Variants in FAAH2 observed in about 807,000 individuals in gnomAD.
FAAH2 encodes the protein fatty acid amide hydrolase 2.
In FAAH2, 60 loss-of-function variants were observed where a neutral mutation model predicts 36.9. The observed-to-expected ratio is 1.63, with a 90% CI of 1.32 to 2.02. The LOEUF is 2.02. Among genes scored for constraint, FAAH2 ranks in the 30% most tolerant of loss-of-function variants. FAAH2 has a pLI of 0.00. For synonymous variants in FAAH2, 214 were observed against 143.8 expected (o/e 1.49, Z -3.49); for missense variants, 689 against 397.5 (o/e 1.73, Z -6.23).
chrX:57,327,935 G>T (rs1383553821), intron 3 of FAAH2, among the ~76,000 whole-genome samples: 4 of 111,126 alleles, frequency 3.6e-5, no homozygotes, highest in Non-Finnish European at 7.6e-5. Flanking sequence ...AGAGTTTCTG[G>T]TTTTTTTGCT....
rs754982040 is a variant in FAAH2 at position 57,329,272 on chromosome X, C to T, written c.413-2326C>T. Among the ~76,000 whole-genome samples, 3 of 111,773 alleles carry T rather than the reference C, an allele frequency of 2.7e-5. No individual in the cohort carries two copies. The South Asian group carries it at 1.1e-3, about 42-fold the overall frequency. On this transcript the variant is annotated intron_variant, in intron 3 of 10. Coordinates refer to ENST00000374900, the MANE Select transcript of FAAH2 (RefSeq NM_174912.4). Reference sequence around the variant, plus strand: ...TGACAGTATGACTGGGGGCATAGGGCTTTCTAGCAGCAACTGTGCATACAT... The same window carrying T: ...TGACAGTATGACTGGGGGCATAGGGTTTTCTAGCAGCAACTGTGCATACAT...
the FAAH2 span, among the ~76,000 whole-genome samples, chrX:57,196,738 C>T: frequency 1.8e-5 from 2 of 111,177 alleles, no homozygotes; most frequent in African/African-American, 6.5e-5. Flanking sequence ...TCTTTTATGC[C>T]GATTTTGCTG....
the FAAH2 span, among the ~76,000 whole-genome samples, chrX:57,270,907 C>T: frequency 8.9e-6 from 1 of 112,202 alleles, no homozygotes; most frequent in South Asian, 3.7e-4. Context: ...GCCAGTTGGG[C>T]AGTCACTGAA....
intron 10 of FAAH2, among the ~76,000 whole-genome samples, chrX:57,481,421 T>C (rs1258149302): frequency 2.7e-5 from 3 of 111,638 alleles, no homozygotes; most frequent in Non-Finnish European, 3.8e-5. Flanking sequence ...TGGATGGGGT[T>C]TTTGTGTGGG....
the FAAH2 span, among the ~76,000 whole-genome samples, chrX:57,170,912 G>C: frequency 9.2e-6 from 1 of 109,057 alleles, no homozygotes; most frequent in African/African-American, 3.4e-5. Flanking sequence ...GTTTCACCAT[G>C]TTGGCCAGGC....
At position 57,328,087 on chromosome X, in the gene FAAH2, A is replaced by G. The variant is rs774398425; in HGVS notation, c.413-3511A>G. On this transcript the variant is annotated intron_variant, in intron 3 of 10. Transcript: ENST00000374900. ...GGACCTTCAGCTGCAGGTCTGTTGG[A>G]GTTTGCTGGAGGTCCCCTGCAGACC... 3.6e-5 allele frequency among the ~76,000 whole-genome samples: 4 copies of G among 111,689 alleles called. No individual in the cohort carries two copies. In the South Asian group the frequency reaches 1.1e-3, roughly 31 times the overall value.
At chrX:57,395,035 A>G (rs2055259805) in intron 7 of FAAH2, 1 of 559,296 alleles carries the variant, frequency 1.8e-6, no homozygotes, top group Non-Finnish European at 3.3e-6. Flanking sequence ...CACTGATGCT[A>G]GTCAATCCAT....
the FAAH2 span, among the ~76,000 whole-genome samples, chrX:57,187,001 C>T: frequency 9.0e-6 from 1 of 111,510 alleles, no homozygotes; most frequent in East Asian, 2.8e-4. Context: ...TAGCATGATG[C>T]CTCCAGCTTT....
Position 57,395,072 on chromosome X carries a change from T to C in FAAH2, c.996+14043T>C, listed in dbSNP as rs2055261113. On this transcript the variant is annotated intron_variant, in intron 7 of 10. Coordinates refer to ENST00000374900, the MANE Select transcript of FAAH2 (RefSeq NM_174912.4). ...CACATCCTTTTCAGGTGCAATAGCA[T>C]TGATCACTCCTTCAGTGTATTGTCT... The C allele has an allele frequency of 1.3e-5, 7 of 551,567 alleles. No individual in the cohort carries two copies. The Admixed American group carries it at 1.3e-4, about 11-fold the overall frequency. The allele number at this position is 551,567 out of a possible 1,213,427, so 45.5% of individuals were successfully genotyped here.
At chrX:57,251,176 G>T in the FAAH2 span, among the ~76,000 whole-genome samples, 7 of 111,790 alleles carry the variant, frequency 6.3e-5, no homozygotes, top group Admixed American at 6.6e-4. Context: ...TTTATTTCTG[G>T]GATAAATGGA....
intron 7 of FAAH2, among the ~76,000 whole-genome samples, chrX:57,410,000 G>A (rs1259442108): frequency 9.0e-6 from 1 of 110,745 alleles, no homozygotes; most frequent in Non-Finnish European, 1.9e-5. Flanking sequence ...GTATCCTAAT[G>A]TAGGTGTTTA....
intron 7 of FAAH2, among the ~76,000 whole-genome samples, chrX:57,424,946 G>A (rs1306847383): frequency 1.8e-5 from 2 of 110,452 alleles, no homozygotes; most frequent in Non-Finnish European, 1.9e-5. Flanking sequence ...GATACTCAAT[G>A]AAATCAAAGA....
At chrX:57,235,548 G>A in the FAAH2 span, among the ~76,000 whole-genome samples, 8,468 of 111,279 alleles carry the variant, frequency 0.076, 778 homozygotes, top group African/African-American at 0.26. Context: ...TCACACATAT[G>A]GAAACATATA....
At chrX:57,300,628 G>C (rs1385330913) in intron 2 of FAAH2, among the ~76,000 whole-genome samples, 1 of 111,725 alleles carries the variant, frequency 9.0e-6, no homozygotes, top group Non-Finnish European at 1.9e-5. Context: ...TTAAGCTAAA[G>C]AGCTCCTGCA....
intron 10 of FAAH2, among the ~76,000 whole-genome samples, chrX:57,473,440 C>T (rs994836059): frequency 9.0e-6 from 1 of 111,348 alleles, no homozygotes; most frequent in African/African-American, 3.3e-5. Flanking sequence ...TGCTTTCTGG[C>T]CAAGCATATG....
At chrX:57,226,098 G>A in the FAAH2 span, among the ~76,000 whole-genome samples, 1 of 112,179 alleles carries the variant, frequency 8.9e-6, no homozygotes, top group East Asian at 2.8e-4. Context: ...ATGTGGTTCT[G>A]CATCTTTTAA....
intron 8 of FAAH2, among the ~76,000 whole-genome samples, chrX:57,445,075 T>C (rs1216063155): frequency 1.8e-5 from 2 of 111,983 alleles, no homozygotes; most frequent in African/African-American, 6.5e-5. Context: ...ATTGAAGAGT[T>C]AGGTGTTGTT....
the FAAH2 span, among the ~76,000 whole-genome samples, chrX:57,261,706 G>A: frequency 1.8e-5 from 2 of 110,251 alleles, no homozygotes; most frequent in East Asian, 2.8e-4. Flanking sequence ...AAAAATTGTG[G>A]GTGGTTATGA....
chrX:57,423,175 A>G lies in FAAH2; in HGVS notation c.997-8743A>G, dbSNP rs187901349. On this transcript the variant is annotated intron_variant, in intron 7 of 10. Coordinates refer to ENST00000374900, the MANE Select transcript of FAAH2 (RefSeq NM_174912.4). ...ATACTCTACCACTAATAGAAGGAGG[A>G]CATTTCTAATCCTAACTCATAGAGA... Among the ~76,000 whole-genome samples the G allele has an allele frequency of 9.8e-5, 11 of 112,154 alleles. No individual in the cohort carries two copies. In the East Asian group the frequency reaches 2.8e-3, roughly 29 times the overall value.
Sources: allele counts gnomAD v4.1 joint callset (sites outside exome capture counted in the v4.1 genomes callset), GRCh38; gene constraint gnomAD v4.1.1; transcripts MANE v1.5; gene names NCBI Gene and HGNC (gene_info 2026-07-23, HGNC 2026-07-21).